The following PRKD3 variants were observed in gnomAD, a reference collection of about 807,000 sequenced individuals.
PRKD3 encodes protein kinase D3.
In PRKD3, 47 loss-of-function variants were observed where a neutral mutation model predicts 99.2. The observed-to-expected ratio is 0.47, with a 90% CI of 0.38 to 0.60. The LOEUF is 0.60. Among genes scored for constraint, PRKD3 ranks in the 20% least tolerant of loss-of-function variants. The pLI, the probability that PRKD3 is intolerant of heterozygous loss-of-function variation, is 0.00. For missense variants in PRKD3, 1,019 were observed against 1,088.4 expected (o/e 0.94, Z 0.90); for synonymous variants, 392 against 355.4 (o/e 1.10, Z -1.16).
At chr2:37,274,339 A>G in intron 11 of PRKD3, 82 bp downstream of exon 11, 2 of 1,474,094 alleles carry the variant, frequency 1.4e-6, no homozygotes, top group Non-Finnish European at 1.8e-6. Flanking sequence ...GAACATTAAA[A>G]GGAACAAAGG....
chr2:37,298,129 T>G (rs1344861182), intron 2 of PRKD3, among the ~76,000 whole-genome samples: 1 of 152,188 alleles, frequency 6.6e-6, no homozygotes, highest in Non-Finnish European at 1.5e-5. Context: ...ATGTACTCTT[T>G]TAAAATATAA....
intron 14 of PRKD3, among the ~76,000 whole-genome samples, chr2:37,264,382 T>C (rs1398244278): frequency 6.6e-6 from 1 of 152,178 alleles, no homozygotes; most frequent in Non-Finnish European, 1.5e-5. Context: ...AAACAAAACT[T>C]GACAAAGATG....
At chr2:37,319,909 G>T (rs548736450) in intron 1 of PRKD3, among the ~76,000 whole-genome samples, 1 of 152,166 alleles carries the variant, frequency 6.6e-6, no homozygotes, top group Non-Finnish European at 1.5e-5. Context: ...GAGGGTAGAC[G>T]AAAAATGAAG....
intron 4 of PRKD3, 61 bp downstream of exon 4, chr2:37,290,807 A>G: frequency 2.0e-6 from 3 of 1,480,154 alleles, no homozygotes; most frequent in Non-Finnish European, 2.8e-6. Context: ...TTTCACTGAT[A>G]ATAAAAAATG....
chr2:37,324,271 G>T (rs7573871), intron 1 of PRKD3: 49,336 of 979,656 alleles, frequency 0.05, 1,294 homozygotes, highest in African/African-American at 0.066. Context: ...CACTGCGAGC[G>T]CCGCGGGTCT....
At chr2:37,324,354 G>T in intron 1 of PRKD3, 1 of 388,842 alleles carries the variant, frequency 2.6e-6, no homozygotes, top group Non-Finnish European at 3.5e-6. Context: ...GTCTCCAGCG[G>T]AGCGCGAACC....
At chr2:37,277,043 T>C (rs1444794161) in intron 9 of PRKD3, among the ~76,000 whole-genome samples, 2 of 150,124 alleles carry the variant, frequency 1.3e-5, no homozygotes, top group Admixed American at 6.6e-5. Flanking sequence ...GTCTATACTG[T>C]TGTTATCATA....
At chr2:37,280,054 CT>C (rs72038621) in intron 7 of PRKD3, 125 bp from the exon 8 acceptor site, 90,845 of 456,038 alleles carry the variant, frequency 0.2, 1,035 homozygotes, top group East Asian at 0.35. Flanking sequence ...AAGTATTTCT[CT>C]TTTTTTTTTT....
Position 37,259,640 on chromosome 2 carries a change from C to T in PRKD3, c.2088G>A (p.Val696=), listed in dbSNP as rs904551456. The T allele has an allele frequency of 6.2e-7, 1 of 1,613,380 alleles. No individual in the cohort carries two copies. The highest frequency in any genetic ancestry group is 1.3e-5 in the African/African-American group (1 of 74,896). Residue 696 remains valine (V), a synonymous_variant, in exon 16 of 19, where the codon GTG becomes GTA. Coordinates refer to ENST00000234179, the MANE Select transcript of PRKD3 (RefSeq NM_005813.6). ...CATTTTCTGGCTTTAAATCACAGTG[C>T]ACAATATTCTTAAAATGCAGATTCC... The part of the protein sequence containing the change: ...ALRNLHFKNI[V]HCDLKPENVL...
chr2:37,291,345 C>T (rs1187467857), intron 3 of PRKD3, among the ~76,000 whole-genome samples: 1 of 152,188 alleles, frequency 6.6e-6, no homozygotes, highest in Non-Finnish European at 1.5e-5. Context: ...GTAAAAACTA[C>T]TATGGAACTT....
chr2:37,289,128 C>T (rs1670262468), intron 5 of PRKD3, among the ~76,000 whole-genome samples: 1 of 150,490 alleles, frequency 6.6e-6, no homozygotes, highest in Non-Finnish European at 1.5e-5. Flanking sequence ...AGGATACTGA[C>T]TAGAAGGCTA....
At chr2:37,291,284 T>C (rs1279247841) in intron 3 of PRKD3, among the ~76,000 whole-genome samples, 1 of 152,196 alleles carries the variant, frequency 6.6e-6, no homozygotes, top group Non-Finnish European at 1.5e-5. Flanking sequence ...TTAGGTTACT[T>C]TAACCAATTA....
intron 16 of PRKD3, among the ~76,000 whole-genome samples, chr2:37,257,507 T>C (rs1668052974): frequency 1.3e-5 from 2 of 151,660 alleles, no homozygotes; most frequent in South Asian, 4.2e-4. Flanking sequence ...CTACTGAAGA[T>C]ACAAAAAAAT....
rs762897503 is a variant in PRKD3, at chr2:37,256,949, G to A, written c.2146-20C>T. On this transcript the variant is annotated intron_variant, in intron 16 of 18. Coordinates refer to ENST00000234179, the MANE Select transcript of PRKD3 (RefSeq NM_005813.6). ...CTTCACCTGGAAATTGAAGGATGAT[G>A]TTAATTTTGTATTATAGTGTTATAT... is the stretch of plus-strand genomic sequence containing the variant. The A allele has an allele frequency of 6.2e-7, 1 of 1,613,248 alleles. No individual in the cohort carries two copies. Among genetic ancestry groups the A allele is most frequent in the South Asian group, 1.1e-5 (1 of 91,070 alleles).
At chr2:37,289,540 T>C (rs765276577) in intron 4 of PRKD3, 27 bp from the exon 5 acceptor site, 2 of 1,552,758 alleles carry the variant, frequency 1.3e-6, no homozygotes, top group African/African-American at 1.4e-5. Flanking sequence ...AGGTAAAATA[T>C]AAGATTTAAA....
At chr2:37,283,477 A>G (rs1351804310) in intron 6 of PRKD3, among the ~76,000 whole-genome samples, 1 of 152,244 alleles carries the variant, frequency 6.6e-6, no homozygotes, top group Non-Finnish European at 1.5e-5. Context: ...TCATGCCAAC[A>G]GCACAGGCTA....
chr2:37,264,274 ATGTAT>A (rs1668672137), intron 14 of PRKD3, among the ~76,000 whole-genome samples: 1 of 152,232 alleles, frequency 6.6e-6, no homozygotes. Context: ...CAATCTAACA[ATGTAT>A]TGTAATTTCC....
rs887553836 is a variant in PRKD3, at chr2:37,279,927, G to A, written c.991C>T (p.Pro331Ser). ...CLGEVTFNGEPSSLGTDTDIP... is the reference protein window; with the variant it reads ...CLGEVTFNGESSSLGTDTDIP... ...TCTGTATCTGTTCCCAGACTGGAAG[G>A]TTCTGGGAAAATTTTAAATGAATTT... Residue 331 changes from proline (P) to serine (S), a missense_variant and splice_region_variant, in exon 8 of 19, where the codon CCT becomes TCT. Around this residue, in one of 3 missense-constraint regions of PRKD3, gnomAD observed 710 missense variants for 692.7 expected, o/e 1.02. Coordinates refer to ENST00000234179, the MANE Select transcript of PRKD3 (RefSeq NM_005813.6). The A allele has an allele frequency of 3.8e-6, 6 of 1,582,296 alleles. No individual in the cohort carries two copies. In the African/African-American group the frequency reaches 6.9e-5, roughly 18 times the overall value.
chr2:37,318,187 C>A (rs1400720943), intron 1 of PRKD3, among the ~76,000 whole-genome samples: 1 of 151,858 alleles, frequency 6.6e-6, no homozygotes, highest in Non-Finnish European at 1.5e-5. Flanking sequence ...CAAAAGCACA[C>A]AACTATAGTA....
Sources: gnomAD v4.1 joint callset for allele counts (sites outside exome capture counted in the v4.1 genomes callset) on GRCh38, gnomAD v4.1.1 for gene constraint, gnomAD v4.1.1 regional missense constraint, MANE v1.5 for transcripts, NCBI Gene and HGNC (gene_info 2026-07-23, HGNC 2026-07-21) for gene names.